Variants in XYLT1 observed in about 807,000 individuals in gnomAD.
XYLT1 encodes beta-D-xylosyltransferase 1.
Under a neutral mutation model 91.3 loss-of-function variants are expected in XYLT1, and 36 were observed. That is an observed-to-expected ratio of 0.39 (90% CI 0.30 to 0.52). The LOEUF (loss-of-function observed/expected upper bound fraction) is 0.52. Ranked by LOEUF, XYLT1 falls within the 20% of genes least tolerant of loss-of-function variation. The probability of loss-of-function intolerance (pLI) is 0.68; values close to 1 mark genes in which losing one functional copy is unlikely to be tolerated. For synonymous variants in XYLT1, 588 were observed against 532.0 expected, an observed-to-expected ratio of 1.11 and a Z score of -1.45; for missense variants, 1,242 against 1,284.5, an observed-to-expected ratio of 0.97 and a Z score of 0.51.
Position 17,322,736 on chromosome 16 carries a change from GTTA to G in XYLT1, c.402+35273_402+35275del, listed in dbSNP as rs1297822903. The stretch of plus-strand genomic sequence containing the variant: ...CTCACTGACCAGATGAGTTATCTCC[GTTA>G]AACTCTCTCCTAGCTCCCCTTCATA... On this transcript the variant is annotated intron_variant, in intron 2 of 11. Coordinates refer to ENST00000261381, the MANE Select transcript of XYLT1 (RefSeq NM_022166.4). Among the ~76,000 whole-genome samples the G allele has an allele frequency of 4.6e-5, 7 of 152,104 alleles. No individual in the cohort carries two copies. In the East Asian group the frequency reaches 1.3e-3, roughly 29 times the overall value.
At chr16:17,236,900 T>C (rs2033258278) in intron 3 of XYLT1, among the ~76,000 whole-genome samples, 1 of 152,208 alleles carries the variant, frequency 6.6e-6, no homozygotes, top group South Asian at 2.1e-4. Flanking sequence ...AAAGACCCTA[T>C]TTCCAAATAA....
intron 2 of XYLT1, among the ~76,000 whole-genome samples, chr16:17,302,918 C>T (rs573514992): frequency 5.9e-5 from 9 of 151,780 alleles, no homozygotes; most frequent in East Asian, 1.9e-4. Context: ...AAAGAGAAAG[C>T]GAGAGAGAGC....
At chr16:17,427,155 G>A (rs1452817197) in intron 1 of XYLT1, among the ~76,000 whole-genome samples, 1 of 152,196 alleles carries the variant, frequency 6.6e-6, no homozygotes, top group Non-Finnish European at 1.5e-5. Context: ...CTGGGATTTG[G>A]GCAGCAAGTG....
In XYLT1 at chr16:17,179,371, C is replaced by A. The variant is rs1290158327; in HGVS notation, c.1289+18841G>T. Among the ~76,000 whole-genome samples, 4 of 152,258 alleles carry A rather than the reference C, an allele frequency of 2.6e-5. No homozygotes were observed. The East Asian group carries it at 7.7e-4, about 29-fold the overall frequency. On this transcript the variant is annotated intron_variant, in intron 5 of 11. Coordinates refer to ENST00000261381, the MANE Select transcript of XYLT1 (RefSeq NM_022166.4). ...CACACCTGCACATGTACCCCTGAAC[C>A]TCAAATAAAAGCTAGAAAAGAAGTT... is the stretch of plus-strand genomic sequence containing the variant.
At chr16:17,275,091 C>T (rs898149468) in intron 2 of XYLT1, among the ~76,000 whole-genome samples, 9 of 152,030 alleles carry the variant, frequency 5.9e-5, no homozygotes, top group East Asian at 1.9e-4. Flanking sequence ...GGAGGAAAAA[C>T]GCTTGGACCT....
intron 1 of XYLT1, among the ~76,000 whole-genome samples, chr16:17,410,716 C>T (rs1047160395): frequency 6.8e-6 from 1 of 147,972 alleles, no homozygotes; most frequent in Non-Finnish European, 1.5e-5. Context: ...GATCTTGGCT[C>T]ACTGCAACCT....
chr16:17,189,871 AC>A (rs2032270483), intron 5 of XYLT1, among the ~76,000 whole-genome samples: 1 of 152,128 alleles, frequency 6.6e-6, no homozygotes, highest in Non-Finnish European at 1.5e-5. Flanking sequence ...ACATGGTGAA[AC>A]CCCATCTCTA....
chr16:17,461,969 C>T (rs1311714182), intron 1 of XYLT1, among the ~76,000 whole-genome samples: 1 of 152,144 alleles, frequency 6.6e-6, no homozygotes, highest in South Asian at 2.1e-4. Flanking sequence ...TTGGTGCATT[C>T]GATAAATGCA....
chr16:17,441,713 T>C (rs1178801182), intron 1 of XYLT1, among the ~76,000 whole-genome samples: 2 of 152,164 alleles, frequency 1.3e-5, no homozygotes, highest in Admixed American at 6.5e-5. Context: ...TTGAATAAGA[T>C]TAAGTCTCCC....
chr16:17,165,683 A>C (rs2031664319), intron 5 of XYLT1, among the ~76,000 whole-genome samples: 1 of 152,046 alleles, frequency 6.6e-6, no homozygotes, highest in South Asian at 2.1e-4. Context: ...CAAGAGTGAA[A>C]CTCTGCCTCA....
intron 1 of XYLT1, among the ~76,000 whole-genome samples, chr16:17,360,933 A>G (rs1407683981): frequency 6.6e-6 from 1 of 152,196 alleles, no homozygotes; most frequent in Non-Finnish European, 1.5e-5. Flanking sequence ...GGAACCGCCT[A>G]CAACAAGGAA....
At chr16:17,212,600 A>G (rs1388074743) in intron 3 of XYLT1, among the ~76,000 whole-genome samples, 1 of 151,542 alleles carries the variant, frequency 6.6e-6, no homozygotes, top group African/African-American at 2.4e-5. Context: ...TTTTTCTCCC[A>G]CTCTGAGAAA....
intron 2 of XYLT1, among the ~76,000 whole-genome samples, chr16:17,260,756 G>C (rs1489466531): frequency 6.6e-6 from 1 of 152,214 alleles, no homozygotes; most frequent in Non-Finnish European, 1.5e-5. Flanking sequence ...ATAGCAGAGT[G>C]AATAGTTGCA....
intron 3 of XYLT1, among the ~76,000 whole-genome samples, chr16:17,242,849 AG>A (rs1191872483): frequency 2.0e-5 from 3 of 152,202 alleles, no homozygotes; most frequent in Admixed American, 1.3e-4. Flanking sequence ...ACCTTGTGTA[AG>A]GGGGAATCAC....
chr16:17,459,899 C>T (rs888028878), intron 1 of XYLT1, among the ~76,000 whole-genome samples: 2 of 152,140 alleles, frequency 1.3e-5, no homozygotes, highest in African/African-American at 2.4e-5. Flanking sequence ...CTGTCCCCCA[C>T]GGGTTACAAG....
rs974631942 is a variant in XYLT1 at position 17,102,442 on chromosome 16, C to T, written c.*6253G>A. 4 of 152,578 alleles carry T rather than the reference C, an allele frequency of 2.6e-5. No homozygotes were observed. Among genetic ancestry groups the T allele is most frequent in the Non-Finnish European group, 5.9e-5 (4 of 68,034 alleles). 9.5% of individuals were successfully genotyped at this position (152,578 alleles called of 1,614,324 possible). ...TATGATACAGTATTTAATACATCCA[C>T]TGTTTTCTGCAAAAAATGTTGCTTT... is the stretch of plus-strand genomic sequence containing the variant. On this transcript the variant is annotated 3_prime_UTR_variant, in exon 12 of 12. Transcript: ENST00000261381.
At chr16:17,436,439 T>G (rs2036460163) in intron 1 of XYLT1, among the ~76,000 whole-genome samples, 1 of 152,216 alleles carries the variant, frequency 6.6e-6, no homozygotes, top group African/African-American at 2.4e-5. Context: ...TGCTGTGGTC[T>G]GATCTCAGCA....
chr16:17,336,107 C>T (rs558791052), intron 2 of XYLT1, among the ~76,000 whole-genome samples: 38 of 152,050 alleles, frequency 2.5e-4, no homozygotes, highest in Non-Finnish European at 4.6e-4. Context: ...GAGAAACGTG[C>T]GGAGGTGGAT....
Position 17,127,719 on chromosome 16 carries a change from CT to C in XYLT1, c.2169del (p.Val724SerfsTer55). ...ETLETWVMPK[K>X]VFKIASPPSD... Reference sequence around the variant, plus strand: ...CTGGGTGGGCTTGCGATCTTGAAGACTTTTTTCGGCATCACCCAGGTCTCCA... The same window carrying C: ...CTGGGTGGGCTTGCGATCTTGAAGACTTTTTCGGCATCACCCAGGTCTCCA... On this transcript the variant is annotated frameshift_variant, in exon 10 of 12. Coordinates refer to ENST00000261381, the MANE Select transcript of XYLT1 (RefSeq NM_022166.4). LOFTEE classifies it high-confidence loss of function. The C allele has an allele frequency of 6.2e-7, 1 of 1,614,184 alleles. No homozygotes were observed. The highest frequency in any genetic ancestry group is 8.5e-7 in the Non-Finnish European group (1 of 1,180,042).
Sources: allele counts gnomAD v4.1 joint callset (sites outside exome capture counted in the v4.1 genomes callset), GRCh38; gene constraint gnomAD v4.1.1; transcripts MANE v1.5; gene names NCBI Gene and HGNC (gene_info 2026-07-23, HGNC 2026-07-21).